The following TXNDC12 variants were observed in gnomAD, a reference collection of about 807,000 sequenced individuals.
The protein encoded by TXNDC12 is thioredoxin domain containing 12.
In TXNDC12, 22 loss-of-function variants were observed where a neutral mutation model predicts 24.2. That is an observed-to-expected ratio of 0.91 (90% CI 0.65 to 1.30). The LOEUF is 1.30. TXNDC12 is among the 50% of genes most tolerant of loss of function. TXNDC12 has a pLI of 0.00. For missense variants in TXNDC12, 184 were observed against 205.8 expected (o/e 0.89, Z 0.65); for synonymous variants, 58 against 73.4 (o/e 0.79, Z 1.07).
rs1395350775 is a variant in TXNDC12 at position 52,020,637 on chromosome 1, C to T, written c.*296G>A. The T allele has an allele frequency of 1.3e-5, 5 of 383,374 alleles. No homozygotes were observed. Among genetic ancestry groups the T allele is most frequent in the Non-Finnish European group, 1.4e-5 (3 of 213,296 alleles). The allele number at this position is 383,374 out of a possible 1,614,324, so 23.7% of individuals were successfully genotyped here. On this transcript the variant is annotated 3_prime_UTR_variant, in exon 7 of 7. Coordinates refer to ENST00000371626, the MANE Select transcript of TXNDC12 (RefSeq NM_015913.4). ...CAAATACTTAAGTGCGAGGAGTAAA[C>T]ATCCAAGTGGCTCAAGTTTTGTGTC...
intron 1 of TXNDC12, among the ~76,000 whole-genome samples, chr1:52,053,483 T>C (rs1366448670): frequency 6.6e-6 from 1 of 151,864 alleles, no homozygotes; most frequent in African/African-American, 2.4e-5. Flanking sequence ...GCCAACATAG[T>C]GAAACCCCGT....
At position 52,027,270 on chromosome 1, in the gene TXNDC12, C is replaced by T. The variant is rs1469686577; in HGVS notation, c.285+5G>A. The T allele has an allele frequency of 6.2e-7, 1 of 1,603,036 alleles. No homozygotes were observed. The highest frequency in any genetic ancestry group is 1.3e-5 in the African/African-American group (1 of 74,598). On this transcript the variant is annotated splice_donor_5th_base_variant and intron_variant, in intron 4 of 6. Coordinates refer to ENST00000371626, the MANE Select transcript of TXNDC12 (RefSeq NM_015913.4). ...AGCAGAAAGGAGAAACTCTCAAAGT[C>T]TTACCTCAAGATTTACCATAACAAA...
At chr1:52,036,805 T>C (rs578182310) in intron 2 of TXNDC12, among the ~76,000 whole-genome samples, 1 of 152,362 alleles carries the variant, frequency 6.6e-6, no homozygotes, top group Admixed American at 6.5e-5. Context: ...CTTCTGTTCA[T>C]TCCTCTGGTT....
intron 4 of TXNDC12, among the ~76,000 whole-genome samples, chr1:52,025,408 C>T (rs1198640266): frequency 2.0e-5 from 3 of 152,088 alleles, no homozygotes; most frequent in East Asian, 3.9e-4. Flanking sequence ...TTAGTAGAGA[C>T]GGGGTTTCAC....
chr1:52,038,836 G>T (rs1448496977), intron 2 of TXNDC12, among the ~76,000 whole-genome samples: 1 of 151,062 alleles, frequency 6.6e-6, no homozygotes, highest in African/African-American at 2.4e-5. Flanking sequence ...AAAAGTGCAA[G>T]GTTTTTGCAC....
At position 52,046,035 on chromosome 1, in the gene TXNDC12, A is replaced by C. The variant is rs536319075; in HGVS notation, c.98-4438T>G. On this transcript the variant is annotated intron_variant, in intron 1 of 6. Coordinates refer to ENST00000371626, the MANE Select transcript of TXNDC12 (RefSeq NM_015913.4). ...TGAGACTAGCCTGGGCAACATAGTG[A>C]GACCCCATCTCTATAAAAAATAGAA... is the stretch of plus-strand genomic sequence containing the variant. Among the ~76,000 whole-genome samples, 22 of 152,154 alleles carry C rather than the reference A, an allele frequency of 1.4e-4. No individual in the cohort carries two copies. The East Asian group carries it at 4.1e-3, about 28-fold the overall frequency.
chr1:52,034,658 G>A (rs1685849235), intron 2 of TXNDC12, among the ~76,000 whole-genome samples: 1 of 151,908 alleles, frequency 6.6e-6, no homozygotes, highest in African/African-American at 2.4e-5. Flanking sequence ...TGCTAAGGCT[G>A]GTCTCAAACT....
intron 1 of TXNDC12, among the ~76,000 whole-genome samples, chr1:52,048,213 C>A (rs1686132785): frequency 1.3e-5 from 2 of 152,052 alleles, no homozygotes. Flanking sequence ...ACCTATAATC[C>A]CAGCATTTTG....
In TXNDC12 at chr1:52,033,758, G is replaced by A. The variant is rs1446360539; in HGVS notation, c.159-5128C>T. Reference sequence around the variant, plus strand: ...GGCAGCCCGCAAAACACCACGAGCGGCATCCTCTCAGGGAGCGACCATTGG... The same window carrying A: ...GGCAGCCCGCAAAACACCACGAGCGACATCCTCTCAGGGAGCGACCATTGG... On this transcript the variant is annotated intron_variant, in intron 2 of 6. Coordinates refer to ENST00000371626, the MANE Select transcript of TXNDC12 (RefSeq NM_015913.4). 3.1e-6 allele frequency: 5 copies of A among 1,594,054 alleles called. No individual in the cohort carries two copies. In the South Asian group the frequency reaches 4.5e-5, roughly 14 times the overall value.
At chr1:52,032,666 GAAGCCA>G in intron 2 of TXNDC12, 14 of 1,554,996 alleles carry the variant, frequency 9.0e-6, no homozygotes, top group South Asian at 6.2e-5. Flanking sequence ...GTGGAGATCA[GAAGCCA>G]TGGCTTCCCC....
At chr1:52,050,635 TAC>T (rs2124394590) in intron 1 of TXNDC12, among the ~76,000 whole-genome samples, 1 of 152,324 alleles carries the variant, frequency 6.6e-6, no homozygotes, top group South Asian at 2.1e-4. Flanking sequence ...GGGAACACTG[TAC>T]CTGAGACATA....
chr1:52,033,858 TC>T, intron 2 of TXNDC12: 1 of 1,446,940 alleles, frequency 6.9e-7, no homozygotes, highest in Non-Finnish European at 9.1e-7. Flanking sequence ...TCTTCCTGTC[TC>T]CCTTGACTTT....
intron 1 of TXNDC12, among the ~76,000 whole-genome samples, chr1:52,054,697 A>G (rs1343688205): frequency 1.3e-5 from 2 of 152,358 alleles, no homozygotes; most frequent in East Asian, 3.9e-4. Context: ...ACCGTTCCTC[A>G]GGACCTCCCA....
chr1:52,032,972 G>A (rs1160368345), intron 2 of TXNDC12: 1 of 1,581,378 alleles, frequency 6.3e-7, no homozygotes, highest in Non-Finnish European at 8.6e-7. Flanking sequence ...GAGGCGAGGG[G>A]CTGGGACTGC....
In TXNDC12 at chr1:52,027,292, CAA is replaced by C; in HGVS notation, c.266_267del (p.Phe89CysfsTer6). On this transcript the variant is annotated frameshift_variant, in exon 4 of 7. Coordinates refer to ENST00000371626, the MANE Select transcript of TXNDC12 (RefSeq NM_015913.4). LOFTEE classifies it high-confidence loss of function. ...AGTCTTACCTCAAGATTTACCATAA[CAA>C]AATTATGGGAGAGTTCTGAAATTTC... Reference protein sequence around the residue: ...STEISELSHNFVMVNLEDEEE... With the variant: ...STEISELSHNXVMVNLEDEEE... The C allele has an allele frequency of 6.2e-7, 1 of 1,612,366 alleles. No individual in the cohort carries two copies. Among genetic ancestry groups the C allele is most frequent in the South Asian group, 1.1e-5 (1 of 90,996 alleles).
At chr1:52,046,257 C>T (rs946633193) in intron 1 of TXNDC12, among the ~76,000 whole-genome samples, 3 of 150,596 alleles carry the variant, frequency 2.0e-5, no homozygotes, top group African/African-American at 7.3e-5. Context: ...CAAACTAATA[C>T]AGGGGAGCAA....
At chr1:52,031,609 C>T (rs759497688) in intron 2 of TXNDC12, among the ~76,000 whole-genome samples, 12 of 152,182 alleles carry the variant, frequency 7.9e-5, no homozygotes, top group Admixed American at 3.3e-4. Context: ...TCTCGTGCCT[C>T]AGCCTCCAGA....
chr1:52,029,910 C>A (rs1370705215), intron 2 of TXNDC12, among the ~76,000 whole-genome samples: 1 of 152,110 alleles, frequency 6.6e-6, no homozygotes, highest in Non-Finnish European at 1.5e-5. Flanking sequence ...ATATAGGTAA[C>A]CATAATAGCC....
chr1:52,034,615 T>A (rs1685848277), intron 2 of TXNDC12, among the ~76,000 whole-genome samples: 1 of 152,130 alleles, frequency 6.6e-6, no homozygotes, highest in South Asian at 2.1e-4. Context: ...TATTATTATT[T>A]ATTTTTTCTT....
Sources: allele counts gnomAD v4.1 joint callset (sites outside exome capture counted in the v4.1 genomes callset), GRCh38; gene constraint gnomAD v4.1.1; transcripts MANE v1.5; gene names NCBI Gene and HGNC (gene_info 2026-07-23, HGNC 2026-07-21).